The following COL26A1 variants were observed in gnomAD, a reference collection of about 807,000 sequenced individuals.
The protein encoded by COL26A1 is collagen type XXVI alpha 1 chain.
Under a neutral mutation model 59.3 loss-of-function variants are expected in COL26A1, and 41 were observed. The observed-to-expected ratio is 0.69, with a 90% CI of 0.54 to 0.90. The LOEUF is 0.90. COL26A1 is among the 40% of genes least tolerant of loss of function. The probability of loss-of-function intolerance (pLI) is 0.00; values close to 1 mark genes in which losing one functional copy is unlikely to be tolerated. For missense variants in COL26A1, 612 were observed against 602.3 expected, an observed-to-expected ratio of 1.02 and a Z score of -0.17; for synonymous variants, 266 against 256.0, an observed-to-expected ratio of 1.04 and a Z score of -0.37.
At position 101,523,995 on chromosome 7, in the gene COL26A1, C is replaced by T. The variant is rs553027773; in HGVS notation, c.386-9087C>T. ...TTCAAAAACAACAATTGTGGCCAGG[C>T]ACAGTGGCTCATACCTGTAATCCCA... On this transcript the variant is annotated intron_variant, in intron 3 of 12. Coordinates refer to ENST00000313669, the MANE Select transcript of COL26A1 (RefSeq NM_001278563.3). 8.2e-4 allele frequency among the ~76,000 whole-genome samples: 124 copies of T among 152,096 alleles called. 1 individual carries two copies. Among genetic ancestry groups the T allele is most frequent in the African/African-American group, 2.9e-3 (119 of 41,510 alleles).
In COL26A1 at chr7:101,400,351, C is replaced by CTTTTTT. The variant is rs1387032420; in HGVS notation, c.159-19625_159-19624insTTTTTT. 3.7e-4 allele frequency among the ~76,000 whole-genome samples: 46 copies of CTTTTTT among 123,386 alleles called. 8 individuals carry two copies. The highest frequency in any genetic ancestry group is 4.4e-3 in the Middle Eastern group (1 of 228). The allele number at this position is 123,386 out of a possible 152,430, so 80.9% of individuals were successfully genotyped here. A position where few individuals can be genotyped will look rare whatever the true frequency, so the allele number is the denominator to read the frequency against. On this transcript the variant is annotated intron_variant, in intron 1 of 12. Transcript: ENST00000313669. ...GTCCACACTGCCTTTCTTTTTTTTC[C>CTTTTTT]TATTTTTTTTTTTTTTTTTTTTTTT...
intron 1 of COL26A1, among the ~76,000 whole-genome samples, chr7:101,372,083 C>G (rs965730134): frequency 3.3e-5 from 5 of 152,090 alleles, no homozygotes; most frequent in African/African-American, 1.2e-4. Flanking sequence ...TGAATGTGAC[C>G]GTGGACTGCA....
rs566363784 is a variant in COL26A1 at position 101,554,620 on chromosome 7, T to A, written c.1081-1167T>A. ...TGAGACAGGCGTGGTAGTGTGTGCT[T>A]ATAGTCCCAGCTACTTGGGAGGCTG... On this transcript the variant is annotated intron_variant, in intron 11 of 12. Transcript: ENST00000313669. Among the ~76,000 whole-genome samples the A allele has an allele frequency of 1.0e-4, 15 of 149,664 alleles. No individual in the cohort carries two copies. The South Asian group carries it at 3.0e-3, about 30-fold the overall frequency.
At chr7:101,534,232 T>C (rs1417247116) in intron 4 of COL26A1, among the ~76,000 whole-genome samples, 1 of 152,112 alleles carries the variant, frequency 6.6e-6, no homozygotes, top group Non-Finnish European at 1.5e-5. Flanking sequence ...AGAACTGTGG[T>C]GACCAGAGCA....
In COL26A1 at chr7:101,452,946, G is replaced by A. The variant is rs561274213; in HGVS notation, c.385+5159G>A. Among the ~76,000 whole-genome samples, 218 of 152,180 alleles carry A rather than the reference G, an allele frequency of 1.4e-3. 1 individual carries two copies. Among genetic ancestry groups the A allele is most frequent in the African/African-American group, 5.1e-3 (210 of 41,532 alleles). On this transcript the variant is annotated intron_variant, in intron 3 of 12. Transcript: ENST00000313669. ...TGCCTGGCTAATTATTGTATTTTTA[G>A]TAGAGACGGAGTCTCACCATGTTGG... is the stretch of plus-strand genomic sequence containing the variant.
chr7:101,443,393 C>T (rs952988061), intron 2 of COL26A1, among the ~76,000 whole-genome samples: 8 of 152,116 alleles, frequency 5.3e-5, no homozygotes, highest in African/African-American at 1.7e-4. Context: ...AAGAAATGAG[C>T]GTAACAGGAT....
chr7:101,499,816 G>A (rs1212458737), intron 3 of COL26A1, among the ~76,000 whole-genome samples: 1 of 151,360 alleles, frequency 6.6e-6, no homozygotes, highest in Non-Finnish European at 1.5e-5. Context: ...GGTGGAGGCT[G>A]CAGTGAGCCA....
chr7:101,369,955 C>G (rs1448164594), intron 1 of COL26A1, among the ~76,000 whole-genome samples: 1 of 152,042 alleles, frequency 6.6e-6, no homozygotes, highest in East Asian at 1.9e-4. Flanking sequence ...TTCCGCCTCC[C>G]AGGTTCAAGC....
chr7:101,402,657 T>TTCCTCCCTC (rs1562963932), intron 1 of COL26A1, among the ~76,000 whole-genome samples: 14 of 112,818 alleles, frequency 1.2e-4, no homozygotes, highest in African/African-American at 4.7e-4. Flanking sequence ...CTTCCTTCCT[T>TTCCTCCCTC]CCTTCCCTCC....
At chr7:101,467,581 G>A (rs1793794086) in intron 3 of COL26A1, among the ~76,000 whole-genome samples, 1 of 151,698 alleles carries the variant, frequency 6.6e-6, no homozygotes. Context: ...GAAAAGGGAA[G>A]ATGGGGCCGG....
At chr7:101,438,474 G>A (rs1584407669) in intron 2 of COL26A1, among the ~76,000 whole-genome samples, 1 of 151,580 alleles carries the variant, frequency 6.6e-6, no homozygotes, top group East Asian at 1.9e-4. Flanking sequence ...ATGCAGTCAA[G>A]GGTGGGGTGA....
intron 1 of COL26A1, among the ~76,000 whole-genome samples, chr7:101,390,882 AGGGGGCCTTGCCTGTGGGCCTCCC>A (rs1282581888): frequency 1.3e-5 from 2 of 152,126 alleles, no homozygotes; most frequent in African/African-American, 4.8e-5. Context: ...CTGTGTGGGG[AGGGGGCCTTGCCTGTGGGCCTCCC>A]GGGGACCTCA....
chr7:101,501,741 G>A (rs926333658), intron 3 of COL26A1, among the ~76,000 whole-genome samples: 1 of 152,228 alleles, frequency 6.6e-6, no homozygotes, highest in African/African-American at 2.4e-5. Context: ...GGAGGTGCAT[G>A]CTCATAGAAA....
chr7:101,363,221 GT>G, intron 1 of COL26A1, 31 bp downstream of exon 1: 7 of 1,283,314 alleles, frequency 5.5e-6, no homozygotes, highest in Admixed American at 2.6e-5. Context: ...GGGCCGGGGG[GT>G]GGGGGGAGGG....
chr7:101,376,775 T>C (rs1004995738), intron 1 of COL26A1, among the ~76,000 whole-genome samples: 2 of 152,126 alleles, frequency 1.3e-5, no homozygotes, highest in Non-Finnish European at 2.9e-5. Flanking sequence ...CCAGATGTGA[T>C]TGAGGAGCAG....
intron 2 of COL26A1, among the ~76,000 whole-genome samples, chr7:101,429,545 G>C (rs1194853514): frequency 6.9e-6 from 1 of 144,598 alleles, no homozygotes; most frequent in East Asian, 2.0e-4. Context: ...AAATCAGATA[G>C]ATTGATTCTT....
intron 1 of COL26A1, among the ~76,000 whole-genome samples, chr7:101,363,696 C>T (rs985277399): frequency 9.9e-5 from 15 of 151,932 alleles, no homozygotes; most frequent in Non-Finnish European, 1.5e-4. Flanking sequence ...CCCACCCTGT[C>T]CCTTCCTTTC....
chr7:101,364,865 A>C (rs4478499), intron 1 of COL26A1, among the ~76,000 whole-genome samples: 88,231 of 152,128 alleles, frequency 0.58, 27,162 homozygotes, highest in African/African-American at 0.8. Flanking sequence ...CCACCACGCC[A>C]GGCCCAGATC....
In COL26A1 at chr7:101,447,839, A is replaced by G. The variant is rs565219832; in HGVS notation, c.385+52A>G. The G allele has an allele frequency of 6.5e-5, 74 of 1,141,242 alleles. 1 individual carries two copies. The South Asian group carries it at 9.6e-4, about 15-fold the overall frequency. 70.7% of individuals were successfully genotyped at this position (1,141,242 alleles called of 1,614,324 possible). ...GGGGGCCAGGCGTGGGCCAGGCTGG[A>G]GTTTCTCCCTTCTCTGGCCTCCTCC... On this transcript the variant is annotated intron_variant, in intron 3 of 12. Transcript: ENST00000313669.
Sources: allele counts gnomAD v4.1 joint callset (sites outside exome capture counted in the v4.1 genomes callset), GRCh38; gene constraint gnomAD v4.1.1; transcripts MANE v1.5; gene names NCBI Gene and HGNC (gene_info 2026-07-23, HGNC 2026-07-21).